SLC35F1: variants seen among roughly 807,000 people sequenced by gnomAD.
The protein encoded by SLC35F1 is solute carrier family 35 member F1, also known as chromosome 6 open reading frame 169.
SLC35F1 carries 14 observed loss-of-function variants against 48.7 expected under a neutral mutation model. The observed-to-expected ratio is 0.29, with a 90% CI of 0.19 to 0.45. The LOEUF is 0.45. Ranked by LOEUF, SLC35F1 falls within the 20% of genes least tolerant of loss-of-function variation. SLC35F1 has a pLI of 1.00. For missense variants in SLC35F1, 404 were observed against 500.0 expected (o/e 0.81, Z 1.83); for synonymous variants, 190 against 202.2 (o/e 0.94, Z 0.51).
chr6:118,091,127 A>G (rs1433101852), intron 1 of SLC35F1, among the ~76,000 whole-genome samples: 1 of 152,218 alleles, frequency 6.6e-6, no homozygotes, highest in East Asian at 1.9e-4. Context: ...TTAGATGAAG[A>G]ACATGTTTGG....
chr6:118,000,771 G>A (rs1777079861), intron 1 of SLC35F1, among the ~76,000 whole-genome samples: 1 of 152,140 alleles, frequency 6.6e-6, no homozygotes, highest in Non-Finnish European at 1.5e-5. Flanking sequence ...CAAAATCAAT[G>A]TACAAAAATC....
intron 1 of SLC35F1, among the ~76,000 whole-genome samples, chr6:117,969,200 A>T (rs1776608173): frequency 6.6e-6 from 1 of 152,218 alleles, no homozygotes; most frequent in African/African-American, 2.4e-5. Context: ...TTTCACAATA[A>T]ATTTATCTGT....
chr6:118,235,539 G>T lies in SLC35F1; in HGVS notation c.380G>T (p.Arg127Leu). ...GAAAACCTCCTGGCAATTTTACGAC[G>T]AAGATGGTGGAAGTACATGATTTTG... ...GEENLLAILR[R>L]RWWKYMILGL... is the part of the protein sequence containing the mutation. Residue 127 changes from arginine (R) to leucine (L), a missense_variant, in exon 3 of 8, where the codon CGA (arginine) becomes CTA (leucine). Transcript: ENST00000360388. 1 of 1,613,148 alleles carries T rather than the reference G, an allele frequency of 6.2e-7. No homozygotes were observed. The highest frequency in any genetic ancestry group is 1.1e-5 in the South Asian group (1 of 90,976).
intron 1 of SLC35F1, among the ~76,000 whole-genome samples, chr6:117,908,863 C>A (rs1775729423): frequency 6.6e-6 from 1 of 152,128 alleles, no homozygotes. Flanking sequence ...CTGTTCCAGT[C>A]GCTCTGTTCA....
At chr6:117,960,201 T>C (rs1776479600) in intron 1 of SLC35F1, among the ~76,000 whole-genome samples, 1 of 151,812 alleles carries the variant, frequency 6.6e-6, no homozygotes, top group Admixed American at 6.5e-5. Flanking sequence ...TATGTTTGCT[T>C]CTTTCTTTCT....
chr6:118,213,777 T>G (rs1427318571), intron 2 of SLC35F1, among the ~76,000 whole-genome samples: 2 of 152,196 alleles, frequency 1.3e-5, no homozygotes, highest in Non-Finnish European at 2.9e-5. Flanking sequence ...AAACACATTA[T>G]ATCTAGATAT....
At chr6:118,272,218 C>CAGTT (rs1483382687) in intron 4 of SLC35F1, among the ~76,000 whole-genome samples, 2 of 152,116 alleles carry the variant, frequency 1.3e-5, no homozygotes, top group African/African-American at 4.8e-5. Context: ...TGTAAGAGAA[C>CAGTT]AGTTGGCTGC....
At chr6:118,210,849 T>C (rs180825048) in intron 2 of SLC35F1, among the ~76,000 whole-genome samples, 2 of 152,338 alleles carry the variant, frequency 1.3e-5, no homozygotes, top group East Asian at 1.9e-4. Context: ...CCCTCTTTCA[T>C]GAATCCATCC....
At chr6:117,922,859 T>C (rs1775917723) in intron 1 of SLC35F1, among the ~76,000 whole-genome samples, 1 of 152,200 alleles carries the variant, frequency 6.6e-6, no homozygotes, top group Non-Finnish European at 1.5e-5. Flanking sequence ...CAGCAGCCAC[T>C]TTATGACCAT....
chr6:117,918,239 C>T (rs888463786), intron 1 of SLC35F1, among the ~76,000 whole-genome samples: 20 of 151,242 alleles, frequency 1.3e-4, no homozygotes, highest in African/African-American at 4.6e-4. Context: ...AGAGATAATA[C>T]AACAGGTCTG....
At chr6:118,112,757 T>A (rs1445017414) in intron 1 of SLC35F1, among the ~76,000 whole-genome samples, 1 of 152,082 alleles carries the variant, frequency 6.6e-6, no homozygotes, top group Non-Finnish European at 1.5e-5. Context: ...AATAGAATAA[T>A]GTAAAATGCT....
chr6:118,312,141 C>T (rs748236887), intron 7 of SLC35F1, among the ~76,000 whole-genome samples: 6 of 152,202 alleles, frequency 3.9e-5, no homozygotes, highest in Non-Finnish European at 8.8e-5. Flanking sequence ...AGCGCTCATT[C>T]TTCATCTCTC....
intron 1 of SLC35F1, among the ~76,000 whole-genome samples, chr6:118,041,876 T>C (rs1772226804): frequency 6.6e-6 from 1 of 152,000 alleles, no homozygotes; most frequent in Non-Finnish European, 1.5e-5. Flanking sequence ...AATTGGGACC[T>C]TATCTACTGG....
intron 1 of SLC35F1, among the ~76,000 whole-genome samples, chr6:118,092,348 T>A (rs9401057): frequency 0.93 from 141,744 of 152,284 alleles, 66,609 homozygotes; most frequent in East Asian, 1. Flanking sequence ...GTCAAGAACT[T>A]AGGTTTGGCA....
At chr6:117,988,064 C>A (rs1381645981) in intron 1 of SLC35F1, among the ~76,000 whole-genome samples, 1 of 152,124 alleles carries the variant, frequency 6.6e-6, no homozygotes, top group Non-Finnish European at 1.5e-5. Flanking sequence ...AACCTACACT[C>A]TTTCTAGAGC....
At chr6:118,174,893 G>GAA (rs374398650) in intron 2 of SLC35F1, among the ~76,000 whole-genome samples, 2 of 143,246 alleles carry the variant, frequency 1.4e-5, no homozygotes, top group Admixed American at 7.0e-5. Flanking sequence ...AAGTGCTGAA[G>GAA]AAAAAAAAAA....
intron 1 of SLC35F1, among the ~76,000 whole-genome samples, chr6:117,911,717 A>T (rs1218721265): frequency 6.6e-6 from 1 of 152,026 alleles, no homozygotes; most frequent in Non-Finnish European, 1.5e-5. Context: ...AAGTGCTGCA[A>T]TTGCAGACAT....
At chr6:118,127,446 T>C (rs1773643673) in intron 1 of SLC35F1, among the ~76,000 whole-genome samples, 1 of 152,144 alleles carries the variant, frequency 6.6e-6, no homozygotes, top group East Asian at 1.9e-4. Context: ...AATTCTCTTT[T>C]TTGGTTGTGT....
At chr6:118,241,123 A>G (rs1244040693) in intron 3 of SLC35F1, among the ~76,000 whole-genome samples, 6 of 152,236 alleles carry the variant, frequency 3.9e-5, no homozygotes, top group Admixed American at 3.9e-4. Flanking sequence ...AAGGTCTTCA[A>G]TGCCAGAATG....
Sources: gnomAD v4.1 joint callset for allele counts (sites outside exome capture counted in the v4.1 genomes callset) on GRCh38, gnomAD v4.1.1 for gene constraint, MANE v1.5 for transcripts, NCBI Gene and HGNC (gene_info 2026-07-23, HGNC 2026-07-21) for gene names.